STK32B: variants seen among roughly 807,000 people sequenced by gnomAD.
The protein encoded by STK32B is serine/threonine-protein kinase 32B.
STK32B carries 43 observed loss-of-function variants against 52.6 expected under a neutral mutation model. The observed-to-expected ratio is 0.82, with a 90% CI of 0.64 to 1.05. The LOEUF (loss-of-function observed/expected upper bound fraction) is 1.05, where lower values mean the gene tolerates loss of function less well. STK32B is among the 50% of genes least tolerant of loss of function. The probability of loss-of-function intolerance (pLI) is 0.00; values close to 1 mark genes in which losing one functional copy is unlikely to be tolerated. For synonymous variants in STK32B, 238 were observed against 204.3 expected, an observed-to-expected ratio of 1.17 and a Z score of -1.41; for missense variants, 621 against 534.6, an observed-to-expected ratio of 1.16 and a Z score of -1.59.
chr4:5,463,331 T>TG (rs1577547920), intron 9 of STK32B, among the ~76,000 whole-genome samples: 1 of 152,148 alleles, frequency 6.6e-6, no homozygotes, highest in East Asian at 1.9e-4. Flanking sequence ...TGGGATGCCC[T>TG]GGGGGGCATC....
intron 4 of STK32B, among the ~76,000 whole-genome samples, chr4:5,339,010 T>G (rs1016671713): frequency 3.9e-5 from 6 of 152,182 alleles, no homozygotes; most frequent in African/African-American, 7.2e-5. Context: ...CATCAACGAT[T>G]CCTCTGAGGG....
intron 6 of STK32B, among the ~76,000 whole-genome samples, chr4:5,438,777 A>G (rs1714389943): frequency 6.6e-6 from 1 of 152,178 alleles, no homozygotes; most frequent in Non-Finnish European, 1.5e-5. Flanking sequence ...AACAGTTCCC[A>G]GAGTATGATA....
At chr4:5,474,234 C>A (rs942462233) in intron 11 of STK32B, among the ~76,000 whole-genome samples, 1 of 152,176 alleles carries the variant, frequency 6.6e-6, no homozygotes, top group Non-Finnish European at 1.5e-5. Context: ...GGCCTGGAGC[C>A]CTCGTGAGCC....
At chr4:5,246,281 C>T (rs1725446985) in intron 3 of STK32B, among the ~76,000 whole-genome samples, 1 of 152,084 alleles carries the variant, frequency 6.6e-6, no homozygotes, top group Admixed American at 6.6e-5. Flanking sequence ...TCTTTTTATT[C>T]TTTTTTCTCT....
intron 4 of STK32B, among the ~76,000 whole-genome samples, chr4:5,388,261 T>C (rs1560373618): frequency 6.6e-6 from 1 of 152,246 alleles, no homozygotes; most frequent in Non-Finnish European, 1.5e-5. Flanking sequence ...CATGTTTCTT[T>C]CTGCCACCTC....
At chr4:5,264,553 G>A (rs577811229) in intron 3 of STK32B, among the ~76,000 whole-genome samples, 100 of 152,232 alleles carry the variant, frequency 6.6e-4, no homozygotes, top group Middle Eastern at 6.8e-3. Flanking sequence ...TTGGGAGGCT[G>A]AGGCGGGCGG....
chr4:5,168,171 C>G, intron 2 of STK32B, 128 bp from the exon 3 acceptor site: 1 of 1,248,576 alleles, frequency 8.0e-7, no homozygotes, highest in Non-Finnish European at 1.1e-6. Context: ...AGCAGAGCTG[C>G]TCCCCTAGCA....
intron 2 of STK32B, among the ~76,000 whole-genome samples, chr4:5,154,378 G>A (rs932943267): frequency 3.3e-5 from 5 of 152,060 alleles, no homozygotes; most frequent in Non-Finnish European, 2.9e-5. Context: ...ACCAGGCCCG[G>A]TTAATTTTGT....
chr4:5,296,287 C>A (rs939173843), intron 3 of STK32B, among the ~76,000 whole-genome samples: 8 of 152,052 alleles, frequency 5.3e-5, no homozygotes, highest in African/African-American at 1.9e-4. Flanking sequence ...TTCACTTGGT[C>A]TAGAGCTGAG....
chr4:5,415,801 T>C (rs1712115954), intron 5 of STK32B, among the ~76,000 whole-genome samples: 1 of 152,220 alleles, frequency 6.6e-6, no homozygotes, highest in African/African-American at 2.4e-5. Context: ...TTGTCCACTG[T>C]AGCCGATCAC....
intron 3 of STK32B, among the ~76,000 whole-genome samples, chr4:5,230,413 C>T (rs748650558): frequency 6.6e-6 from 1 of 151,896 alleles, no homozygotes; most frequent in Non-Finnish European, 1.5e-5. Flanking sequence ...TGGTATCGAA[C>T]TCCTAACCTC....
intron 2 of STK32B, among the ~76,000 whole-genome samples, chr4:5,161,200 T>C (rs1467766187): frequency 2.0e-5 from 3 of 152,162 alleles, no homozygotes; most frequent in Non-Finnish European, 4.4e-5. Flanking sequence ...CAAGTAAGTA[T>C]TTTTCTTGAG....
At chr4:5,308,643 G>A (rs970116578) in intron 3 of STK32B, among the ~76,000 whole-genome samples, 3 of 152,110 alleles carry the variant, frequency 2.0e-5, no homozygotes, top group Non-Finnish European at 4.4e-5. Context: ...TGGATGCAGG[G>A]ACATGATTCC....
intron 1 of STK32B, among the ~76,000 whole-genome samples, chr4:5,125,060 G>A (rs1291237609): frequency 1.3e-5 from 2 of 152,152 alleles, no homozygotes; most frequent in East Asian, 3.9e-4. Context: ...GCCTCTAGGT[G>A]CTGAGAAGAC....
chr4:5,287,870 T>A (rs1454243826), intron 3 of STK32B, among the ~76,000 whole-genome samples: 2 of 152,156 alleles, frequency 1.3e-5, no homozygotes, highest in East Asian at 3.8e-4. Flanking sequence ...CTTCAGAATA[T>A]TTTTATCTGC....
At chr4:5,418,859 A>T (rs1008336010) in intron 6 of STK32B, among the ~76,000 whole-genome samples, 1 of 152,230 alleles carries the variant, frequency 6.6e-6, no homozygotes, top group East Asian at 1.9e-4. Context: ...AGAGTTGCAC[A>T]TGGGTATTGC....
At chr4:5,233,273 C>T (rs554339989) in intron 3 of STK32B, among the ~76,000 whole-genome samples, 1 of 152,146 alleles carries the variant, frequency 6.6e-6, no homozygotes, top group South Asian at 2.1e-4. Context: ...GTGGTATTCT[C>T]CAGTAGGGTT....
chr4:5,057,173 C>G (rs1243017853), intron 1 of STK32B, among the ~76,000 whole-genome samples: 1 of 152,192 alleles, frequency 6.6e-6, no homozygotes, highest in Non-Finnish European at 1.5e-5. Flanking sequence ...TCTTGCATTC[C>G]TTTGGGTTCT....
In STK32B at chr4:5,399,152, T is replaced by C. The variant is rs1461524599; in HGVS notation, c.472+908T>C. Among the ~76,000 whole-genome samples the C allele has an allele frequency of 6.6e-6, 1 of 152,196 alleles. No individual in the cohort carries two copies. Among genetic ancestry groups the C allele is most frequent in the Non-Finnish European group, 1.5e-5 (1 of 68,040 alleles). On this transcript the variant is annotated intron_variant, in intron 5 of 11. Coordinates refer to ENST00000282908, the MANE Select transcript of STK32B (RefSeq NM_018401.3). The surrounding 1 kb of genome is among the most constrained non-coding windows in gnomAD (Gnocchi z 5.4). ...GAGACTTACAGCCTTCAAAACTAAA[T>C]TCACTGGCATTGCTTCAGGGGCCCG...
Sources: allele counts gnomAD v4.1 joint callset (sites outside exome capture counted in the v4.1 genomes callset), GRCh38; gene constraint gnomAD v4.1.1; non-coding constraint Gnocchi (gnomAD v3.1); transcripts MANE v1.5; gene names NCBI Gene and HGNC (gene_info 2026-07-23, HGNC 2026-07-21).